DOCK9: variants seen among roughly 807,000 people sequenced by gnomAD.
DOCK9 encodes dedicator of cytokinesis protein 9.
DOCK9 carries 89 observed loss-of-function variants against 263.3 expected under a neutral mutation model. That is an observed-to-expected ratio of 0.34 (90% CI 0.28 to 0.40). The LOEUF (loss-of-function observed/expected upper bound fraction) is 0.40, where lower values mean the gene tolerates loss of function less well. Among genes scored for constraint, DOCK9 ranks in the 10% least tolerant of loss-of-function variants. The probability of loss-of-function intolerance (pLI) is 1.00; values close to 1 mark genes in which losing one functional copy is unlikely to be tolerated. For missense variants in DOCK9, 2,140 were observed against 2,603.4 expected, an observed-to-expected ratio of 0.82 and a Z score of 3.87; for synonymous variants, 976 against 973.1, an observed-to-expected ratio of 1.00 and a Z score of -0.06.
chr13:98,796,921 G>A (rs1453772958), intron 52 of DOCK9, among the ~76,000 whole-genome samples, 194 bp downstream of exon 52: 1 of 152,168 alleles, frequency 6.6e-6, no homozygotes, highest in Non-Finnish European at 1.5e-5. Context: ...GCTTGCCGTA[G>A]ATAACAGCAT....
intron 1 of DOCK9, among the ~76,000 whole-genome samples, chr13:98,974,174 G>T (rs946416373): frequency 6.6e-6 from 1 of 151,992 alleles, no homozygotes; most frequent in Non-Finnish European, 1.5e-5. Flanking sequence ...GGGGGGTGGC[G>T]GGTAGGGGGT....
intron 2 of DOCK9, among the ~76,000 whole-genome samples, chr13:98,945,720 T>C (rs2056615410): frequency 1.3e-5 from 2 of 152,230 alleles, no homozygotes; most frequent in South Asian, 4.1e-4. Flanking sequence ...TCTTGGTTGA[T>C]AATTCATTTG....
At chr13:99,008,212 CTA>C (rs1161970142) in intron 1 of DOCK9, among the ~76,000 whole-genome samples, 330 of 79,140 alleles carry the variant, frequency 4.2e-3, no homozygotes, top group Middle Eastern at 0.014. Flanking sequence ...CTCTCTCTCT[CTA>C]TATATATATA....
chr13:98,850,138 A>G (rs1346217126), intron 35 of DOCK9, 25 bp from the exon 36 acceptor site: 1 of 1,387,240 alleles, frequency 7.2e-7, no homozygotes, highest in Non-Finnish European at 9.7e-7. Flanking sequence ...TTTACTTAGA[A>G]TCACAATACA....
intron 1 of DOCK9, among the ~76,000 whole-genome samples, chr13:99,078,336 T>A (rs548956580): frequency 6.6e-6 from 1 of 152,216 alleles, no homozygotes; most frequent in Admixed American, 6.5e-5. Flanking sequence ...CCTTTAGGAA[T>A]GCCCCTTTGT....
At chr13:98,823,360 C>T (rs993856106) in intron 45 of DOCK9, among the ~76,000 whole-genome samples, 2 of 152,196 alleles carry the variant, frequency 1.3e-5, no homozygotes, top group African/African-American at 4.8e-5. Flanking sequence ...GAACCACTGA[C>T]TTATGGCCTA....
intron 33 of DOCK9, chr13:98,858,455 G>C (rs2093761282): frequency 6.6e-6 from 1 of 152,190 alleles, no homozygotes; most frequent in Non-Finnish European, 1.5e-5. Flanking sequence ...TCTTCTAACA[G>C]AGATGTAAGG....
chr13:98,842,292 C>T (rs12184913), intron 38 of DOCK9, among the ~76,000 whole-genome samples: 30,925 of 152,142 alleles, frequency 0.2, 3,308 homozygotes, highest in Admixed American at 0.25. Context: ...CTGCAGGTGT[C>T]CACATGAACT....
At position 98,867,506 on chromosome 13, in the gene DOCK9, G is replaced by A. The variant is rs2094063767; in HGVS notation, c.3205C>T (p.Arg1069Cys). The A allele has an allele frequency of 6.2e-6, 10 of 1,610,654 alleles. 1 individual carries two copies. The highest frequency in any genetic ancestry group is 4.5e-5 in the East Asian group (2 of 44,780). The part of the protein sequence containing the change: ...TLFEYKFEFL[R>C]VVCNHEHYIP... ...TAATGTTCATGGTTGCACACTACAC[G>A]GAGAAATTCAAACTTGTATTCAAAG... The change falls in exon 30 of 53, where the codon CGT becomes TGT. Residue 1069 changes from arginine (R) to cysteine (C), a missense_variant. Physicochemically the swap from Arg to Cys is radical, Grantham distance 180 (BLOSUM62 -3). Around this residue, in one of 2 missense-constraint regions of DOCK9, gnomAD observed 1,521 missense variants for 1,741.7 expected, o/e 0.87. Transcript: ENST00000682017.
chr13:98,971,344 C>T (rs2059708694), intron 1 of DOCK9, among the ~76,000 whole-genome samples: 1 of 152,208 alleles, frequency 6.6e-6, no homozygotes, highest in African/African-American at 2.4e-5. Context: ...ATGGGGACCA[C>T]AGTGCCCATT....
chr13:98,893,630 T>A (rs372411364), intron 15 of DOCK9, among the ~76,000 whole-genome samples: 1 of 152,208 alleles, frequency 6.6e-6, no homozygotes, highest in Non-Finnish European at 1.5e-5. Context: ...ATTTTTTTCA[T>A]GCATTATTAA....
intron 34 of DOCK9, among the ~76,000 whole-genome samples, chr13:98,853,910 C>G (rs1452421096): frequency 6.6e-6 from 1 of 152,136 alleles, no homozygotes; most frequent in Non-Finnish European, 1.5e-5. Flanking sequence ...ACTGCACAAC[C>G]AACCACCTCC....
intron 50 of DOCK9, 129 bp from the exon 51 acceptor site, chr13:98,797,618 C>T: frequency 1.3e-6 from 1 of 747,066 alleles, no homozygotes; most frequent in Admixed American, 2.7e-5. Flanking sequence ...CTTCCAGGAA[C>T]TTAAGCCCAA....
chr13:99,034,811 G>C (rs1297186178), intron 1 of DOCK9, among the ~76,000 whole-genome samples: 1 of 152,220 alleles, frequency 6.6e-6, no homozygotes, highest in Non-Finnish European at 1.5e-5. Context: ...TGAAGGAACT[G>C]TGATTCGGTG....
intron 39 of DOCK9, among the ~76,000 whole-genome samples, chr13:98,835,033 C>G (rs572130711): frequency 2.6e-5 from 4 of 152,324 alleles, no homozygotes; most frequent in East Asian, 1.9e-4. Context: ...ATTCGATCTA[C>G]CAGGCAGAGC....
intron 1 of DOCK9, among the ~76,000 whole-genome samples, chr13:99,053,167 A>G (rs2040779218): frequency 6.6e-6 from 1 of 152,218 alleles, no homozygotes; most frequent in Non-Finnish European, 1.5e-5. Flanking sequence ...CTGTGTTCAC[A>G]TCCCTACTGT....
Position 98,825,878 on chromosome 13 carries a change from G to T in DOCK9, c.5023+952C>A, listed in dbSNP as rs556673005. 2.6e-6 allele frequency: 4 copies of T among 1,537,270 alleles called. No individual in the cohort carries two copies. Among genetic ancestry groups the T allele is most frequent in the Non-Finnish European group, 2.6e-6 (3 of 1,139,524 alleles). The stretch of plus-strand genomic sequence containing the variant: ...GGCTGATCCTCAGGCTCACCTCCCC[G>T]GCTCCTCCTCAGGCAGGCGCTATGG... On this transcript the variant is annotated intron_variant, in intron 44 of 52. Transcript: ENST00000682017. This position sits in a 1 kb window ranked among gnomAD's most constrained non-coding sequence, Gnocchi z 4.1.
chr13:99,075,355 C>CCTT lies in DOCK9; in HGVS notation c.129+10867_129+10868insAAG, dbSNP rs745805823. ...TGTTGTTCAAAGGTCAGCTGTAGTA[C>CCTT]TTTTTTTTTTTTTTTTTTTGAGACA... On this transcript the variant is annotated intron_variant, in intron 1 of 32. Transcript: ENST00000427887. Among the ~76,000 whole-genome samples the CCTT allele has an allele frequency of 7.4e-5, 9 of 121,986 alleles. No homozygotes were observed. In the East Asian group the frequency reaches 2.2e-3, roughly 30 times the overall value. 80.0% of individuals were successfully genotyped at this position (121,986 alleles called of 152,430 possible). A position where few individuals can be genotyped will look rare whatever the true frequency, so the allele number is the denominator to read the frequency against.
At chr13:99,037,813 C>A (rs1888047971) in intron 1 of DOCK9, among the ~76,000 whole-genome samples, 1 of 152,154 alleles carries the variant, frequency 6.6e-6, no homozygotes, top group Admixed American at 6.5e-5. Context: ...CTGATACACA[C>A]AACAACATGG....
Sources: gnomAD v4.1 joint callset for allele counts (sites outside exome capture counted in the v4.1 genomes callset) on GRCh38, gnomAD v4.1.1 for gene constraint, gnomAD v4.1.1 regional missense constraint, Gnocchi (gnomAD v3.1) non-coding constraint, MANE v1.5 for transcripts, NCBI Gene and HGNC (gene_info 2026-07-23, HGNC 2026-07-21) for gene names.